TRRAP: variants seen among roughly 807,000 people sequenced by gnomAD.
TRRAP encodes transformation/transcription domain associated protein, also known as transformation/transcription domain-associated protein.
A neutral mutation model predicts 438.8 loss-of-function variants in TRRAP; 41 were observed. That is an observed-to-expected ratio of 0.09 (90% confidence interval 0.07 to 0.12). TRRAP has a LOEUF of 0.12. Ranked by LOEUF, TRRAP falls within the 10% of genes least tolerant of loss-of-function variation. The pLI is 1.00. For synonymous variants in TRRAP, 1,994 were observed against 1,962.9 expected, an observed-to-expected ratio of 1.02 and a Z score of -0.42; for missense variants, 3,122 against 5,055.1, an observed-to-expected ratio of 0.62 and a Z score of 11.60.
chr7:98,987,292 T>G (rs1793194871), intron 62 of TRRAP, among the ~76,000 whole-genome samples: 1 of 152,262 alleles, frequency 6.6e-6, no homozygotes, highest in South Asian at 2.1e-4. Context: ...TTGCATTGAA[T>G]CTGTAGATCA....
chr7:98,953,094 A>G, intron 39 of TRRAP, 73 bp from the exon 40 acceptor site: 4 of 1,515,538 alleles, frequency 2.6e-6, no homozygotes, highest in South Asian at 1.2e-5. Context: ...TAAGGCTTAA[A>G]CCTGTCGTAT....
At chr7:98,904,906 C>A (rs1463576201) in intron 12 of TRRAP, among the ~76,000 whole-genome samples, 7 of 152,192 alleles carry the variant, frequency 4.6e-5, no homozygotes, top group Non-Finnish European at 1.0e-4. Flanking sequence ...ATTTTCTCTT[C>A]ACCTTACTTT....
chr7:98,887,368 A>G (rs1255561233), intron 3 of TRRAP, among the ~76,000 whole-genome samples: 1 of 152,172 alleles, frequency 6.6e-6, no homozygotes, highest in African/African-American at 2.4e-5. Flanking sequence ...TTTTCCTTGA[A>G]TCCTTGGTTG....
rs1235076158 is a variant in TRRAP at position 98,994,170 on chromosome 7, A to C, written c.10048-417A>C. On this transcript the variant is annotated intron_variant, in intron 66 of 72. Coordinates refer to ENST00000456197, the MANE Select transcript of TRRAP (RefSeq NM_001375524.1). The surrounding 1 kb of genome is among the most constrained non-coding windows in gnomAD (Gnocchi z 4.8). ...CTGATGACAGAATAGTCCACGCCTC[A>C]CTGCCCAGATGCTTACCTGGTTGAG... Among the ~76,000 whole-genome samples, 1 of 152,160 alleles carries C rather than the reference A, an allele frequency of 6.6e-6. No individual in the cohort carries two copies. The highest frequency in any genetic ancestry group is 2.4e-5 in the African/African-American group (1 of 41,426).
At chr7:98,951,060 TG>T in intron 39 of TRRAP, 56 bp downstream of exon 39, 1 of 911,016 alleles carries the variant, frequency 1.1e-6, no homozygotes, top group African/African-American at 1.3e-4. Context: ...GATGAACATC[TG>T]TGTGTGTGTG....
At chr7:98,901,358 C>A (rs1796459570) in intron 11 of TRRAP, among the ~76,000 whole-genome samples, 1 of 152,224 alleles carries the variant, frequency 6.6e-6, no homozygotes, top group Non-Finnish European at 1.5e-5. Context: ...ACTTTCATCC[C>A]CTCCTGAAGA....
rs1313063565 is a variant in TRRAP, at chr7:98,976,891, A to C, written c.8248-48A>C. On this transcript the variant is annotated intron_variant, in intron 55 of 72. Coordinates refer to ENST00000456197, the MANE Select transcript of TRRAP (RefSeq NM_001375524.1). This position sits in a 1 kb window ranked among gnomAD's most constrained non-coding sequence, Gnocchi z 4.6. ...CAGTGAAACTATTTTTAGGGGGGAA[A>C]AAAAGTCTCTGTCTCAAGCACTCAG... 18 of 1,607,538 alleles carry C rather than the reference A, an allele frequency of 1.1e-5. No homozygotes were observed. The highest frequency in any genetic ancestry group is 1.4e-5 in the Non-Finnish European group (17 of 1,176,136).
intron 67 of TRRAP, chr7:98,999,590 A>G (rs539319886): frequency 2.6e-6 from 2 of 765,382 alleles, no homozygotes; most frequent in East Asian, 2.4e-5. Context: ...TGTTCTTCCC[A>G]TAGGTTGTCT....
rs140553884 is a variant in TRRAP, at chr7:98,935,651, G to A, written c.4087G>A (p.Val1363Ile). Residue 1363 changes from valine (V) to isoleucine (I), a missense_variant, in exon 28 of 73, where the codon GTA becomes ATA. Physicochemically the swap from Val to Ile is conservative, Grantham distance 29. This residue lies in a region of TRRAP where 84 missense variants were observed against 119.8 expected (regional missense o/e 0.70). Coordinates refer to ENST00000456197, the MANE Select transcript of TRRAP (RefSeq NM_001375524.1). The part of the protein sequence containing the change: ...LPCYKSLPSL[V>I]PLRIAALNAL... ...CTGTTATAAAAGCCTTCCGTCACTC[G>A]TACCTTTACGAATTGCGGCATTAAG... 1.0e-5 allele frequency: 16 copies of A among 1,599,078 alleles called. No individual in the cohort carries two copies. Among genetic ancestry groups the A allele is most frequent in the Middle Eastern group, 1.7e-4 (1 of 6,016 alleles).
chr7:98,998,990 G>C (rs1793796169), intron 67 of TRRAP: 1 of 635,506 alleles, frequency 1.6e-6, no homozygotes, highest in Non-Finnish European at 2.8e-6. Context: ...GGCCCTGCAG[G>C]CCCCCACAGG....
intron 48 of TRRAP, 82 bp downstream of exon 48, chr7:98,964,857 T>C: frequency 1.4e-6 from 2 of 1,463,424 alleles, no homozygotes; most frequent in African/African-American, 1.4e-5. Flanking sequence ...GGGGCTGAAC[T>C]CTAAAGGGAA....
chr7:99,012,503 TAAGA>T lies in TRRAP; in HGVS notation c.*152_*155del, dbSNP rs1188034132. 9 of 976,642 alleles carry T rather than the reference TAAGA, an allele frequency of 9.2e-6. No individual in the cohort carries two copies. The highest frequency in any genetic ancestry group is 1.2e-5 in the Non-Finnish European group (8 of 680,650). The allele number at this position is 976,642 out of a possible 1,614,324, so 60.5% of individuals were successfully genotyped here. On this transcript the variant is annotated 3_prime_UTR_variant, in exon 73 of 73. Transcript: ENST00000456197. The surrounding 1 kb of genome is among the most constrained non-coding windows in gnomAD (Gnocchi z 5.9). Reference sequence around the variant, plus strand: ...GGTTATTTTCCTGGTAGTTTGCGTGTAAGAAAGGGAGAATATAGTTTTAGAGGAA... The same window carrying T: ...GGTTATTTTCCTGGTAGTTTGCGTGTAAGGGAGAATATAGTTTTAGAGGAA...
intron 67 of TRRAP, chr7:98,999,883 A>T: frequency 2.5e-6 from 1 of 398,258 alleles, no homozygotes; most frequent in South Asian, 4.6e-5. Context: ...AATACTCGCC[A>T]GGGCCAGCAG....
At chr7:99,008,593 G>A in intron 70 of TRRAP, 32 bp downstream of exon 70, 1 of 1,606,200 alleles carries the variant, frequency 6.2e-7, no homozygotes, top group Non-Finnish European at 8.5e-7. Flanking sequence ...GGGCCGAGCT[G>A]CCGCCTGCAG....
rs782032980 is a variant in TRRAP, at chr7:98,892,409, A to AT, written c.262-9dup. The AT allele has an allele frequency of 6.3e-6, 10 of 1,596,940 alleles. No individual in the cohort carries two copies. The African/African-American group carries it at 6.7e-5, about 11-fold the overall frequency. ...AGTATTTTTATCCTTACATTTATTT[A>AT]TTTTTTCTTGCCAGCAACTGCGGAA... On this transcript the variant is annotated splice_polypyrimidine_tract_variant and intron_variant, in intron 4 of 72. Coordinates refer to ENST00000456197, the MANE Select transcript of TRRAP (RefSeq NM_001375524.1).
intron 26 of TRRAP, 49 bp downstream of exon 26, chr7:98,931,714 G>A (rs1554412984): frequency 6.3e-7 from 1 of 1,584,976 alleles, no homozygotes; most frequent in South Asian, 1.1e-5. Flanking sequence ...AAACTTTTGA[G>A]CCTTTTTTTT....
intron 8 of TRRAP, among the ~76,000 whole-genome samples, chr7:98,898,560 G>A (rs1463426474): frequency 1.3e-5 from 2 of 152,124 alleles, no homozygotes; most frequent in African/African-American, 4.8e-5. Context: ...TCCTTTTGTT[G>A]TTCTTAGTTA....
chr7:98,946,558 T>C (rs1554416901), intron 33 of TRRAP, among the ~76,000 whole-genome samples: 1 of 137,392 alleles, frequency 7.3e-6, no homozygotes, highest in Non-Finnish European at 1.6e-5. Flanking sequence ...ACACCACACA[T>C]GCACACACAC....
intron 58 of TRRAP, among the ~76,000 whole-genome samples, chr7:98,981,484 A>G (rs929842233): frequency 1.3e-5 from 2 of 152,228 alleles, no homozygotes; most frequent in African/African-American, 4.8e-5. Context: ...AGCATTGATC[A>G]GTTTCTTTTC....
Sources: gnomAD v4.1 joint callset for allele counts (sites outside exome capture counted in the v4.1 genomes callset) on GRCh38, gnomAD v4.1.1 for gene constraint, gnomAD v4.1.1 regional missense constraint, Gnocchi (gnomAD v3.1) non-coding constraint, MANE v1.5 for transcripts, NCBI Gene and HGNC (gene_info 2026-07-23, HGNC 2026-07-21) for gene names.